Variants in FOXN3 observed in about 807,000 individuals in gnomAD.
FOXN3 encodes forkhead box protein N3.
A neutral mutation model predicts 38.4 loss-of-function variants in FOXN3; 7 were observed. That is an observed-to-expected ratio of 0.18 (90% CI 0.10 to 0.34). The LOEUF is 0.34. Among genes scored for constraint, FOXN3 ranks in the 10% least tolerant of loss-of-function variants. The pLI is 1.00. For synonymous variants in FOXN3, 230 were observed against 242.2 expected (o/e 0.95, Z 0.47); for missense variants, 456 against 613.4 (o/e 0.74, Z 2.71).
intron 1 of FOXN3, among the ~76,000 whole-genome samples, chr14:89,518,102 G>A (rs898380488): frequency 3.3e-5 from 5 of 152,158 alleles, no homozygotes; most frequent in African/African-American, 4.8e-5. Context: ...AGCAGCTACT[G>A]CCTTCAAAGC....
chr14:89,546,332 T>TCTTTTTC (rs974870638), intron 1 of FOXN3, among the ~76,000 whole-genome samples: 4 of 78,476 alleles, frequency 5.1e-5, no homozygotes, highest in African/African-American at 1.6e-4. Context: ...CCTTTTTCTT[T>TCTTTTTC]TTTTTTTTTT....
chr14:89,426,123 C>T (rs4533204), intron 1 of FOXN3, among the ~76,000 whole-genome samples: 14,176 of 151,364 alleles, frequency 0.094, 801 homozygotes, highest in South Asian at 0.25. Context: ...GCGGGCAGAA[C>T]ATCACTTTGT....
chr14:89,432,580 A>C (rs1254880987), intron 1 of FOXN3, among the ~76,000 whole-genome samples: 1 of 152,080 alleles, frequency 6.6e-6, no homozygotes, highest in Non-Finnish European at 1.5e-5. Flanking sequence ...CAAGAAGCTC[A>C]CTCATTTGCC....
intron 1 of FOXN3, among the ~76,000 whole-genome samples, chr14:89,443,093 T>C (rs1027648830): frequency 1.3e-5 from 2 of 152,224 alleles, no homozygotes; most frequent in African/African-American, 4.8e-5. Flanking sequence ...GCCCAGCAAG[T>C]AAAATACTGG....
chr14:89,178,260 C>T (rs952819870), intron 5 of FOXN3, among the ~76,000 whole-genome samples: 14 of 152,056 alleles, frequency 9.2e-5, no homozygotes, highest in East Asian at 3.9e-4. Context: ...ATCCACCCGC[C>T]GGAGCCTCTC....
intron 3 of FOXN3, among the ~76,000 whole-genome samples, chr14:89,292,061 C>T (rs1045501095): frequency 1.3e-5 from 2 of 152,210 alleles, no homozygotes; most frequent in African/African-American, 2.4e-5. Flanking sequence ...CGGCAGGCAC[C>T]GTCACCTCCT....
intron 1 of FOXN3, among the ~76,000 whole-genome samples, chr14:89,481,947 C>T (rs1271096346): frequency 6.6e-6 from 1 of 152,188 alleles, no homozygotes; most frequent in East Asian, 1.9e-4. Context: ...TATGCTAGGA[C>T]AGTCCTAGGC....
At chr14:89,211,689 C>T (rs1884097599) in intron 4 of FOXN3, among the ~76,000 whole-genome samples, 1 of 152,196 alleles carries the variant, frequency 6.6e-6, no homozygotes, top group African/African-American at 2.4e-5. Context: ...GTAGCACTGG[C>T]TTCAGATTCA....
At chr14:89,271,874 T>G (rs1325002397) in intron 4 of FOXN3, among the ~76,000 whole-genome samples, 1 of 152,240 alleles carries the variant, frequency 6.6e-6, no homozygotes, top group Non-Finnish European at 1.5e-5. Context: ...AGAAAACTGT[T>G]TAGAAATATT....
intron 1 of FOXN3, among the ~76,000 whole-genome samples, chr14:89,475,591 G>C (rs551808595): frequency 2.0e-5 from 3 of 152,284 alleles, no homozygotes; most frequent in South Asian, 2.1e-4. Context: ...GGAGTTTAAG[G>C]CTGCAGTGGG....
chr14:89,295,429 C>T (rs1366157717), intron 3 of FOXN3, among the ~76,000 whole-genome samples: 2 of 152,290 alleles, frequency 1.3e-5, no homozygotes, highest in South Asian at 2.1e-4. Flanking sequence ...GCAGACGTCA[C>T]GTGAGCAGAG....
At chr14:89,371,866 T>A (rs1266770292) in intron 2 of FOXN3, among the ~76,000 whole-genome samples, 3 of 152,106 alleles carry the variant, frequency 2.0e-5, no homozygotes, top group Non-Finnish European at 4.4e-5. Flanking sequence ...CCAGCTACTT[T>A]CTCCTCTGGC....
chr14:89,576,119 C>T (rs1484473870), intron 1 of FOXN3: 1 of 152,186 alleles, frequency 6.6e-6, no homozygotes, highest in African/African-American at 2.4e-5. Flanking sequence ...ATTCTGGGAG[C>T]CCCAGGGGGA....
intron 1 of FOXN3, among the ~76,000 whole-genome samples, chr14:89,504,319 TG>T (rs1448258476): frequency 2.0e-5 from 3 of 152,222 alleles, no homozygotes; most frequent in African/African-American, 4.8e-5. Context: ...TGCATTGCCA[TG>T]GGGTAAGTCC....
chr14:89,513,150 GAAAAAA>G (rs36003791), intron 1 of FOXN3, among the ~76,000 whole-genome samples: 3,094 of 102,072 alleles, frequency 0.03, 105 homozygotes, highest in African/African-American at 0.1. Context: ...TCCATCTCAG[GAAAAAA>G]AAAAAAAAAA....
chr14:89,357,745 T>C (rs547651465), intron 2 of FOXN3, among the ~76,000 whole-genome samples: 6 of 152,338 alleles, frequency 3.9e-5, no homozygotes, highest in Non-Finnish European at 8.8e-5. Flanking sequence ...TGAAAAAATA[T>C]GTATATAAAC....
chr14:89,582,261 A>ATC (rs1596324296), intron 1 of FOXN3, among the ~76,000 whole-genome samples: 1 of 152,134 alleles, frequency 6.6e-6, no homozygotes, highest in East Asian at 1.9e-4. Context: ...CAGGTAACAC[A>ATC]TCAGACGCCC....
intron 3 of FOXN3, among the ~76,000 whole-genome samples, chr14:89,299,987 G>A (rs1359040799): frequency 1.3e-5 from 2 of 152,130 alleles, no homozygotes; most frequent in Non-Finnish European, 2.9e-5. Context: ...TGCATCTTCT[G>A]TCCCAGCACA....
At chr14:89,366,340 A>G (rs1890151235) in intron 2 of FOXN3, among the ~76,000 whole-genome samples, 1 of 152,194 alleles carries the variant, frequency 6.6e-6, no homozygotes, top group Admixed American at 6.5e-5. Context: ...AGGAATGTAC[A>G]ATGATGTGGT....
Sources: allele counts gnomAD v4.1 joint callset (sites outside exome capture counted in the v4.1 genomes callset), GRCh38; gene constraint gnomAD v4.1.1; transcripts MANE v1.5; gene names NCBI Gene and HGNC (gene_info 2026-07-23, HGNC 2026-07-21).